Variants in FRMPD4 observed in about 807,000 individuals in gnomAD.
The protein encoded by FRMPD4 is FERM and PDZ domain containing 4, also known as FERM and PDZ domain-containing protein 4.
A neutral mutation model predicts 94.1 loss-of-function variants in FRMPD4; 22 were observed. That is an observed-to-expected ratio of 0.23 (90% CI 0.17 to 0.33). The LOEUF is 0.33. Among genes scored for constraint, FRMPD4 ranks in the 10% least tolerant of loss-of-function variants. FRMPD4 has a pLI of 1.00. For synonymous variants in FRMPD4, 631 were observed against 548.6 expected (o/e 1.15, Z -2.10); for missense variants, 1,111 against 1,339.9 (o/e 0.83, Z 2.67).
Position 12,722,080 on chromosome X carries a change from A to G in FRMPD4, c.*222A>G. ...TATACACGTAAAAGAAATATCCAAGAAAGTGATGACATTTGGCTATTTTTC... is the reference window on the plus strand; with the variant it reads ...TATACACGTAAAAGAAATATCCAAGGAAGTGATGACATTTGGCTATTTTTC... On this transcript the variant is annotated 3_prime_UTR_variant, in exon 17 of 17. Coordinates refer to ENST00000675598, the MANE Select transcript of FRMPD4 (RefSeq NM_001368397.1). The G allele has an allele frequency of 8.8e-6, 1 of 112,997 alleles. No individual in the cohort carries two copies. The allele number at this position is 112,997 out of a possible 1,213,427, so 9.3% of individuals were successfully genotyped here.
intron 1 of FRMPD4, among the ~76,000 whole-genome samples, chrX:12,156,695 T>C (rs2055941568): frequency 9.0e-6 from 1 of 110,529 alleles, no homozygotes; most frequent in Non-Finnish European, 1.9e-5. Flanking sequence ...AAAGTAAGTT[T>C]ATAAAGATAA....
chrX:12,327,312 G>A (rs1206776949), intron 1 of FRMPD4, among the ~76,000 whole-genome samples: 2 of 112,250 alleles, frequency 1.8e-5, no homozygotes, highest in African/African-American at 3.2e-5. Context: ...TTAGAATTTT[G>A]TTATTGCCGT....
At chrX:12,376,081 C>T (rs1437000451) in intron 1 of FRMPD4, among the ~76,000 whole-genome samples, 4 of 111,916 alleles carry the variant, frequency 3.6e-5, no homozygotes, top group Admixed American at 9.4e-5. Context: ...ATGGTAGGGC[C>T]GAGCATGGCC....
intron 3 of FRMPD4, among the ~76,000 whole-genome samples, chrX:12,109,735 G>T (rs978197579): frequency 4.5e-5 from 5 of 111,623 alleles, no homozygotes; most frequent in African/African-American, 1.6e-4. Context: ...TGATAAAGGG[G>T]ATATCACCAC....
intron 7 of FRMPD4, among the ~76,000 whole-genome samples, chrX:12,688,745 C>CTTT (rs371548205): frequency 2.2e-5 from 2 of 92,030 alleles, no homozygotes; most frequent in African/African-American, 8.0e-5. Context: ...GCAGGGAAAT[C>CTTT]TTTTTTTTTT....
chrX:12,052,415 G>A (rs957698322), intron 3 of FRMPD4, among the ~76,000 whole-genome samples: 17 of 112,455 alleles, frequency 1.5e-4, no homozygotes, highest in African/African-American at 5.5e-4. Flanking sequence ...GAGAGAGTCA[G>A]AAGGGAGTAG....
At chrX:12,547,435 G>C (rs773582152) in intron 2 of FRMPD4, among the ~76,000 whole-genome samples, 1 of 112,018 alleles carries the variant, frequency 8.9e-6, no homozygotes, top group Non-Finnish European at 1.9e-5. Context: ...TGTAGGGAGA[G>C]AGAAATATTT....
chrX:12,458,120 T>C (rs971102160), intron 1 of FRMPD4, among the ~76,000 whole-genome samples: 1 of 111,984 alleles, frequency 8.9e-6, no homozygotes, highest in Non-Finnish European at 1.9e-5. Flanking sequence ...CAATAAAAAC[T>C]TTGGATGTTG....
chrX:12,687,497 A>G (rs2060037545), intron 7 of FRMPD4, among the ~76,000 whole-genome samples: 2 of 111,460 alleles, frequency 1.8e-5, no homozygotes, highest in African/African-American at 6.5e-5. Context: ...CAACTACTGA[A>G]CTCTGTCATT....
chrX:12,019,743 G>T (rs1307782358), intron 3 of FRMPD4, among the ~76,000 whole-genome samples: 1 of 110,059 alleles, frequency 9.1e-6, no homozygotes, highest in African/African-American at 3.3e-5. Flanking sequence ...TAAATATCCA[G>T]GCTCTACCCA....
At chrX:12,618,975 T>C (rs2059262880) in intron 4 of FRMPD4, among the ~76,000 whole-genome samples, 1 of 111,599 alleles carries the variant, frequency 9.0e-6, no homozygotes, top group African/African-American at 3.3e-5. Flanking sequence ...GATGCTAACA[T>C]TGAAGAGTCA....
chrX:12,724,365 G>A lies in FRMPD4; in HGVS notation c.*2507G>A, dbSNP rs2042294254. On this transcript the variant is annotated 3_prime_UTR_variant, in exon 17 of 17. Coordinates refer to ENST00000675598, the MANE Select transcript of FRMPD4 (RefSeq NM_001368397.1). Reference sequence around the variant, plus strand: ...TCACTAAGCATGGGGCTCCTAACTGGGGTCCAGGTCCATAGAGTGTAGGAA... The same window carrying A: ...TCACTAAGCATGGGGCTCCTAACTGAGGTCCAGGTCCATAGAGTGTAGGAA... The A allele has an allele frequency of 8.9e-6, 1 of 111,786 alleles. No individual in the cohort carries two copies. Among genetic ancestry groups the A allele is most frequent in the South Asian group, 3.8e-4 (1 of 2,652 alleles). 9.2% of individuals were successfully genotyped at this position (111,786 alleles called of 1,213,427 possible).
At chrX:12,249,041 AAAAC>A (rs1264522342) in intron 1 of FRMPD4, among the ~76,000 whole-genome samples, 7 of 112,958 alleles carry the variant, frequency 6.2e-5, no homozygotes, top group Non-Finnish European at 9.4e-5. Flanking sequence ...TCCGTCTCAA[AAAAC>A]AAACAAACAA....
At chrX:12,278,445 C>G (rs2054475659) in intron 1 of FRMPD4, among the ~76,000 whole-genome samples, 1 of 112,188 alleles carries the variant, frequency 8.9e-6, no homozygotes, top group Non-Finnish European at 1.9e-5. Flanking sequence ...ATTCTGTGCA[C>G]TCATTTATTA....
chrX:12,554,220 A>G (rs2058571100), intron 2 of FRMPD4, among the ~76,000 whole-genome samples: 1 of 112,440 alleles, frequency 8.9e-6, no homozygotes, highest in South Asian at 3.6e-4. Flanking sequence ...ACTATTGTTT[A>G]TATATAAACA....
chrX:12,128,051 G>T (rs2055515859), intron 3 of FRMPD4, among the ~76,000 whole-genome samples: 2 of 112,701 alleles, frequency 1.8e-5, no homozygotes, highest in African/African-American at 6.4e-5. Context: ...GGCTGGCATT[G>T]AGTGTCTGAG....
At chrX:12,499,886 T>A (rs1475580101) in intron 2 of FRMPD4, among the ~76,000 whole-genome samples, 1 of 111,875 alleles carries the variant, frequency 8.9e-6, no homozygotes, top group African/African-American at 3.3e-5. Flanking sequence ...TCTAGACACA[T>A]ACCTAGGCGT....
chrX:12,375,400 T>C (rs1275971344), intron 1 of FRMPD4, among the ~76,000 whole-genome samples: 2 of 112,090 alleles, frequency 1.8e-5, no homozygotes, highest in Non-Finnish European at 3.8e-5. Context: ...AGAGCCTGGG[T>C]GCTCTTCCAG....
intron 3 of FRMPD4, among the ~76,000 whole-genome samples, chrX:12,059,188 A>C (rs184821299): frequency 1.8e-5 from 2 of 111,960 alleles, no homozygotes; most frequent in East Asian, 5.6e-4. Flanking sequence ...CTAAATAAAA[A>C]ATGTATCTAA....
Sources: allele counts gnomAD v4.1 joint callset (sites outside exome capture counted in the v4.1 genomes callset), GRCh38; gene constraint gnomAD v4.1.1; transcripts MANE v1.5; gene names NCBI Gene and HGNC (gene_info 2026-07-23, HGNC 2026-07-21).